Variants in RYR3 observed in about 807,000 individuals in gnomAD.
The protein encoded by RYR3 is brain ryanodine receptor-calcium release channel.
Under a neutral mutation model 584.3 loss-of-function variants are expected in RYR3, and 207 were observed. The observed-to-expected ratio is 0.35, with a 90% confidence interval of 0.32 to 0.40. The LOEUF (loss-of-function observed/expected upper bound fraction) is 0.40, where lower values mean the gene tolerates loss of function less well. Among genes scored for constraint, RYR3 ranks in the 10% least tolerant of loss-of-function variants. The pLI is 1.00. For synonymous variants in RYR3, 2,416 were observed against 2,248.5 expected, an observed-to-expected ratio of 1.07 and a Z score of -2.11; for missense variants, 5,616 against 6,089.2, an observed-to-expected ratio of 0.92 and a Z score of 2.59.
intron 86 of RYR3, among the ~76,000 whole-genome samples, chr15:33,831,508 G>A (rs6495268): frequency 0.76 from 116,193 of 152,210 alleles, 44,460 homozygotes; most frequent in South Asian, 0.86. Context: ...TTCTCTTGAT[G>A]GAGATTAAAA....
At chr15:33,637,399 C>T (rs1176781258) in intron 27 of RYR3, among the ~76,000 whole-genome samples, 2 of 152,218 alleles carry the variant, frequency 1.3e-5, no homozygotes, top group Non-Finnish European at 2.9e-5. Context: ...TGTGTGAATG[C>T]CCTTATGCCT....
At chr15:33,324,816 T>C (rs1339060425) in intron 1 of RYR3, among the ~76,000 whole-genome samples, 1 of 152,212 alleles carries the variant, frequency 6.6e-6, no homozygotes, top group Non-Finnish European at 1.5e-5. Context: ...GACTGAAGTA[T>C]GTGTTGACAC....
At chr15:33,429,285 A>G (rs912042731) in intron 1 of RYR3, among the ~76,000 whole-genome samples, 10 of 152,150 alleles carry the variant, frequency 6.6e-5, no homozygotes, top group Admixed American at 2.0e-4. Context: ...GCAAGGGAAC[A>G]TGTTTTCAGC....
rs79912124 is a variant in RYR3, at chr15:33,651,981, T to C, written c.4143-737T>C. Among the ~76,000 whole-genome samples, 784 of 152,246 alleles carry C rather than the reference T, an allele frequency of 5.1e-3. 7 individuals are homozygous for C. Among genetic ancestry groups the C allele is most frequent in the African/African-American group, 0.017 (714 of 41,562 alleles). On this transcript the variant is annotated intron_variant, in intron 31 of 103. Transcript: ENST00000634891. The stretch of plus-strand genomic sequence containing the variant: ...TCACCTGGGATGTGAAATCCTACAA[T>C]TGGGGAATCAGGCTTTGGGAGCCTT...
chr15:33,412,212 T>A lies in RYR3; in HGVS notation c.52-61207T>A, dbSNP rs1351279484. ...TACAGTTGTGGGCTTGTGGATTCAG[T>A]AATTTCTGGTGAAGCCATGCAGCTT... is the stretch of plus-strand genomic sequence containing the variant. On this transcript the variant is annotated intron_variant, in intron 1 of 103. Coordinates refer to ENST00000634891, the MANE Select transcript of RYR3 (RefSeq NM_001036.6). The surrounding 1 kb of genome is among the most constrained non-coding windows in gnomAD (Gnocchi z 4.3). 6.6e-6 allele frequency among the ~76,000 whole-genome samples: 1 copy of A among 152,190 alleles called. No homozygotes were observed.
chr15:33,632,983 T>C lies in RYR3; in HGVS notation c.2902T>C (p.Leu968=), dbSNP rs1427199876. The part of the protein sequence containing the change: ...MMSNGYKPAP[L]DLSDVKLLPP... ...GTCCAACGGCTATAAGCCAGCCCCTTTGGATTTGTCTGATGTGAAGCTGTT... is the reference window on the plus strand; with the variant it reads ...GTCCAACGGCTATAAGCCAGCCCCTCTGGATTTGTCTGATGTGAAGCTGTT... Residue 968 remains leucine, a synonymous_variant, in exon 24 of 104, where the codon TTG becomes CTG. Coordinates refer to ENST00000634891, the MANE Select transcript of RYR3 (RefSeq NM_001036.6). 3 of 1,613,982 alleles carry C rather than the reference T, an allele frequency of 1.9e-6. No individual in the cohort carries two copies. The highest frequency in any genetic ancestry group is 1.7e-5 in the Admixed American group (1 of 60,028).
intron 10 of RYR3, among the ~76,000 whole-genome samples, chr15:33,558,582 G>C (rs1378092574): frequency 1.3e-5 from 2 of 152,140 alleles, no homozygotes; most frequent in Non-Finnish European, 2.9e-5. Context: ...CTTTATAGCA[G>C]GATGGTTTAT....
intron 43 of RYR3, among the ~76,000 whole-genome samples, chr15:33,709,232 CA>C (rs2066926452): frequency 6.6e-6 from 1 of 152,012 alleles, no homozygotes; most frequent in South Asian, 2.1e-4. Context: ...GAGATCACTA[CA>C]ATAAAAGTAA....
intron 1 of RYR3, among the ~76,000 whole-genome samples, chr15:33,319,593 G>A (rs899993719): frequency 6.6e-5 from 10 of 152,218 alleles, no homozygotes; most frequent in African/African-American, 2.4e-4. Flanking sequence ...GTCAAATGAT[G>A]GGTAAAGTCA....
At chr15:33,325,702 C>G (rs2339264) in intron 1 of RYR3, among the ~76,000 whole-genome samples, 53,270 of 133,068 alleles carry the variant, frequency 0.4, 11,689 homozygotes, top group African/African-American at 0.56. Context: ...TCCCCCTTCC[C>G]CTCTCTGCCT....
At chr15:33,764,408 C>T (rs150370783) in intron 60 of RYR3, among the ~76,000 whole-genome samples, 1 of 152,004 alleles carries the variant, frequency 6.6e-6, no homozygotes, top group Non-Finnish European at 1.5e-5. Flanking sequence ...AGGGGAACAT[C>T]ACACACCGGG....
Position 33,809,011 on chromosome 15 carries a change from C to T in RYR3, c.10026+1442C>T, listed in dbSNP as rs757406820. ...TGATGCAACCACCTGAAATTGCAGC[C>T]GCCACAAGTGCTGAAAGAAATTACA... On this transcript the variant is annotated intron_variant, in intron 70 of 103. Coordinates refer to ENST00000634891, the MANE Select transcript of RYR3 (RefSeq NM_001036.6). 9.9e-5 allele frequency among the ~76,000 whole-genome samples: 15 copies of T among 152,262 alleles called. 1 individual carries two copies. The South Asian group carries it at 1.7e-3, about 17-fold the overall frequency.
At chr15:33,477,026 A>C (rs2049444875) in intron 2 of RYR3, among the ~76,000 whole-genome samples, 1 of 152,088 alleles carries the variant, frequency 6.6e-6, no homozygotes, top group Non-Finnish European at 1.5e-5. Flanking sequence ...CTACCATCAA[A>C]TTTCTCAACG....
At chr15:33,698,509 G>T (rs1323373865) in intron 40 of RYR3, among the ~76,000 whole-genome samples, 3 of 152,196 alleles carry the variant, frequency 2.0e-5, no homozygotes, top group African/African-American at 4.8e-5. Context: ...AGAGTTGTGG[G>T]GATAGGACAC....
chr15:33,769,637 A>G (rs1057162340), intron 62 of RYR3, among the ~76,000 whole-genome samples: 45 of 152,214 alleles, frequency 3.0e-4, no homozygotes, highest in African/African-American at 1.1e-3. Context: ...AGTTCTGGTA[A>G]TAACACAAAT....
intron 40 of RYR3, among the ~76,000 whole-genome samples, chr15:33,699,051 A>G (rs1377641559): frequency 3.3e-5 from 5 of 152,192 alleles, no homozygotes; most frequent in African/African-American, 1.2e-4. Context: ...TCAAATTACA[A>G]GTGCTATGGA....
At chr15:33,446,230 A>G (rs532862198) in intron 1 of RYR3, among the ~76,000 whole-genome samples, 3 of 152,340 alleles carry the variant, frequency 2.0e-5, no homozygotes, top group Admixed American at 2.0e-4. Flanking sequence ...CGCAAGGACC[A>G]GGCAAGAGAT....
At chr15:33,519,772 G>A (rs987510850) in intron 3 of RYR3, among the ~76,000 whole-genome samples, 24 of 152,194 alleles carry the variant, frequency 1.6e-4, no homozygotes, top group African/African-American at 5.1e-4. Context: ...CCCCTGGTCC[G>A]TGGACAGGTG....
chr15:33,561,994 G>A (rs1210241386), intron 10 of RYR3, among the ~76,000 whole-genome samples: 1 of 152,166 alleles, frequency 6.6e-6, no homozygotes, highest in Non-Finnish European at 1.5e-5. Flanking sequence ...CTGCTTAATG[G>A]CTTTTACAAA....
Sources: allele counts gnomAD v4.1 joint callset (sites outside exome capture counted in the v4.1 genomes callset), GRCh38; gene constraint gnomAD v4.1.1; non-coding constraint Gnocchi (gnomAD v3.1); transcripts MANE v1.5; gene names NCBI Gene and HGNC (gene_info 2026-07-23, HGNC 2026-07-21).